Variants in TFDP2 observed in about 807,000 individuals in gnomAD.
TFDP2 encodes the protein transcription factor Dp-2 (E2F dimerization partner 2).
In TFDP2, 17 loss-of-function variants were observed where a neutral mutation model predicts 59.3. The observed-to-expected ratio is 0.29, with a 90% CI of 0.20 to 0.43. The LOEUF (loss-of-function observed/expected upper bound fraction) is 0.43, where lower values mean the gene tolerates loss of function less well. Ranked by LOEUF, TFDP2 falls within the 20% of genes least tolerant of loss-of-function variation. TFDP2 has a pLI of 1.00. For synonymous variants in TFDP2, 180 were observed against 194.7 expected, an observed-to-expected ratio of 0.92 and a Z score of 0.63; for missense variants, 391 against 528.8, an observed-to-expected ratio of 0.74 and a Z score of 2.56.
At chr3:142,002,315 G>GTAT (rs1198698079) in intron 4 of TFDP2, among the ~76,000 whole-genome samples, 1 of 108,316 alleles carries the variant, frequency 9.2e-6, no homozygotes, top group Admixed American at 8.6e-5. Flanking sequence ...TTTATTTTTA[G>GTAT]TGTTTTTTTT....
chr3:141,995,377 T>C (rs1449471453), intron 4 of TFDP2: 3 of 374,122 alleles, frequency 8.0e-6, no homozygotes, highest in Non-Finnish European at 1.4e-5. Flanking sequence ...AGCAAATAAA[T>C]GGCAATTTGG....
intron 3 of TFDP2, among the ~76,000 whole-genome samples, chr3:142,082,435 T>A (rs183340364): frequency 3.5e-4 from 54 of 152,244 alleles, no homozygotes; most frequent in African/African-American, 1.2e-3. Flanking sequence ...ATGGAAAAAT[T>A]GTATTCCACA....
In TFDP2 at chr3:141,952,495, G is replaced by T. The variant is rs1434896403; in HGVS notation, c.*18C>A. The stretch of plus-strand genomic sequence containing the variant: ...ACACATGAGCATCACATATTGAAAC[G>T]TAGGCTTTCTCTTGTCTTTATTCTG... On this transcript the variant is annotated 3_prime_UTR_variant, in exon 13 of 13. Transcript: ENST00000489671. 6.6e-7 allele frequency: 1 copy of T among 1,510,844 alleles called. No individual in the cohort carries two copies. The highest frequency in any genetic ancestry group is 8.8e-7 in the Non-Finnish European group (1 of 1,137,712). 93.6% of individuals were successfully genotyped at this position (1,510,844 alleles called of 1,614,324 possible).
Position 141,948,157 on chromosome 3 carries a change from A to G in TFDP2, c.*4356T>C, listed in dbSNP as rs1300552431. 1 of 152,158 alleles carries G rather than the reference A, an allele frequency of 6.6e-6. No homozygotes were observed. Among genetic ancestry groups the G allele is most frequent in the Non-Finnish European group, 1.5e-5 (1 of 68,040 alleles). The allele number at this position is 152,158 out of a possible 1,614,324, so 9.4% of individuals were successfully genotyped here. A position where few individuals can be genotyped will look rare whatever the true frequency, so the allele number is the denominator to read the frequency against. On this transcript the variant is annotated 3_prime_UTR_variant, in exon 13 of 13. Transcript: ENST00000489671. ...CTAAGGCAGCACAGTTTTAAGGTCT[A>G]TTTCAGACTTGTTGGGCAGGGACAG...
At position 142,125,449 on chromosome 3, in the gene TFDP2, C is replaced by A. The variant is rs543483463; in HGVS notation, c.-92-23608G>T. On this transcript the variant is annotated intron_variant, in intron 1 of 12. Coordinates refer to ENST00000489671, the MANE Select transcript of TFDP2 (RefSeq NM_001178139.2). ...CCAACACAAATAGAAATTTATACAT[C>A]CTTCTATGAGCTTTTTCTAGAGTCA... 2.6e-5 allele frequency among the ~76,000 whole-genome samples: 4 copies of A among 152,200 alleles called. No homozygotes were observed. The South Asian group carries it at 8.3e-4, about 32-fold the overall frequency.
chr3:142,033,498 C>T (rs1289590972), intron 3 of TFDP2, among the ~76,000 whole-genome samples: 2 of 152,014 alleles, frequency 1.3e-5, no homozygotes, highest in African/African-American at 4.8e-5. Context: ...TAGTGGGGCC[C>T]ACAGAATTAA....
At chr3:142,117,608 A>G (rs1279142181) in intron 1 of TFDP2, among the ~76,000 whole-genome samples, 1 of 152,158 alleles carries the variant, frequency 6.6e-6, no homozygotes, top group African/African-American at 2.4e-5. Context: ...AAATACAAAA[A>G]TGCTAAACAG....
At chr3:141,969,165 CAT>C (rs765506404) in intron 9 of TFDP2, among the ~76,000 whole-genome samples, 1,787 of 41,126 alleles carry the variant, frequency 0.043, 318 homozygotes, top group African/African-American at 0.22. Context: ...ATATATATAA[CAT>C]ATATATATAT....
At chr3:142,094,054 T>C (rs867774361) in intron 2 of TFDP2, 43 of 396,972 alleles carry the variant, frequency 1.1e-4, no homozygotes, top group South Asian at 8.3e-4. Context: ...ACTACACTAC[T>C]TGGCATCACA....
chr3:142,110,370 G>T (rs939899122), intron 1 of TFDP2, among the ~76,000 whole-genome samples: 1 of 152,014 alleles, frequency 6.6e-6, no homozygotes, highest in Non-Finnish European at 1.5e-5. Flanking sequence ...CGGGCGTGGC[G>T]GCAAGCGCCT....
At chr3:142,069,723 T>G (rs756740949) in intron 3 of TFDP2, among the ~76,000 whole-genome samples, 15 of 152,100 alleles carry the variant, frequency 9.9e-5, no homozygotes, top group South Asian at 6.2e-4. Flanking sequence ...TTCTCCTGCC[T>G]CAGCCTCCTG....
At chr3:142,111,824 G>C (rs748983717) in intron 1 of TFDP2, among the ~76,000 whole-genome samples, 1 of 152,140 alleles carries the variant, frequency 6.6e-6, no homozygotes, top group African/African-American at 2.4e-5. Context: ...CCAGCACTTT[G>C]GGGGGCTGAG....
At chr3:142,139,454 C>T (rs1332174899) in intron 1 of TFDP2, among the ~76,000 whole-genome samples, 2 of 152,180 alleles carry the variant, frequency 1.3e-5, no homozygotes, top group Non-Finnish European at 2.9e-5. Flanking sequence ...ACAGTTTCTT[C>T]ATAGCATTCA....
chr3:141,971,598 C>T (rs2861421), intron 8 of TFDP2, among the ~76,000 whole-genome samples: 17,622 of 151,910 alleles, frequency 0.12, 1,261 homozygotes, highest in East Asian at 0.18. Flanking sequence ...TTGGACTGAG[C>T]TCCTGCACTA....
rs573972812 is a variant in TFDP2, at chr3:141,980,833, G to A, written c.357-2151C>T. On this transcript the variant is annotated intron_variant, in intron 6 of 12. Transcript: ENST00000489671. The stretch of plus-strand genomic sequence containing the variant: ...TTACAGATGTGAACCACTGCTCCTG[G>A]CCAATATTGTTTGTGTTTTAAGTCA... Among the ~76,000 whole-genome samples the A allele has an allele frequency of 7.2e-5, 11 of 152,200 alleles. 1 individual carries two copies. The highest frequency in any genetic ancestry group is 2.6e-4 in the African/African-American group (11 of 41,518).
chr3:142,018,455 C>T (rs923136982), intron 3 of TFDP2, among the ~76,000 whole-genome samples: 12 of 151,902 alleles, frequency 7.9e-5, no homozygotes, highest in African/African-American at 2.4e-4. Context: ...CATTAATCTA[C>T]TGTTTTTTAT....
intron 3 of TFDP2, among the ~76,000 whole-genome samples, chr3:142,091,838 G>A (rs1254654366): frequency 6.6e-6 from 1 of 152,250 alleles, no homozygotes; most frequent in Middle Eastern, 3.4e-3. Context: ...CCTCCTATGA[G>A]AATCTAATGC....
intron 1 of TFDP2, among the ~76,000 whole-genome samples, chr3:142,134,116 G>A (rs2062623283): frequency 6.6e-6 from 1 of 151,830 alleles, no homozygotes; most frequent in Non-Finnish European, 1.5e-5. Context: ...TACAGTGGAA[G>A]CACACTGAAA....
intron 1 of TFDP2, among the ~76,000 whole-genome samples, chr3:142,142,464 A>G (rs1218362973): frequency 6.6e-6 from 1 of 152,252 alleles, no homozygotes; most frequent in Non-Finnish European, 1.5e-5. Context: ...CACCAAAAAA[A>G]TGGAAAAATA....
Sources: allele counts gnomAD v4.1 joint callset (sites outside exome capture counted in the v4.1 genomes callset), GRCh38; gene constraint gnomAD v4.1.1; transcripts MANE v1.5; gene names NCBI Gene and HGNC (gene_info 2026-07-23, HGNC 2026-07-21).